ZNF473: variants seen among roughly 807,000 people sequenced by gnomAD.
The protein encoded by ZNF473 is zinc finger protein 100 homolog.
A neutral mutation model predicts 11.1 loss-of-function variants in ZNF473; 4 were observed. The observed-to-expected ratio is 0.36, with a 90% confidence interval of 0.18 to 0.82. The LOEUF is 0.82. Among genes scored for constraint, ZNF473 ranks in the 40% least tolerant of loss-of-function variants. The pLI, the probability that ZNF473 is intolerant of heterozygous loss-of-function variation, is 0.49. For synonymous variants in ZNF473, 404 were observed against 390.4 expected (o/e 1.03, Z -0.41); for missense variants, 854 against 1,084.0 (o/e 0.79, Z 2.98).
At chr19:50,041,510 T>A in intron 3 of ZNF473, 1 of 360,504 alleles carries the variant, frequency 2.8e-6, no homozygotes, top group Non-Finnish European at 5.0e-6. Flanking sequence ...ACAGCTTTGA[T>A]CACCCTGGAT....
In ZNF473 at chr19:50,039,206, G is replaced by A. The variant is rs1010122437; in HGVS notation, c.55G>A (p.Asp19Asn). 4 of 1,614,214 alleles carry A rather than the reference G, an allele frequency of 2.5e-6. No homozygotes were observed. Among genetic ancestry groups the A allele is most frequent in the Non-Finnish European group, 2.5e-6 (3 of 1,180,034 alleles). Reference sequence around the variant, plus strand: ...TGTCGGCATGGACTTCACCTTGGGAGACTGGGAGCAGCTCGGGCTGGAACA... The same window carrying A: ...TGTCGGCATGGACTTCACCTTGGGAAACTGGGAGCAGCTCGGGCTGGAACA... ...KDVGMDFTLG[D>N]WEQLGLEQGD... The change falls in exon 3 of 5, where the codon GAC (aspartate) becomes AAC (asparagine). Residue 19 changes from aspartate (D) to asparagine (N), a missense_variant. By Grantham distance (23) the Asp-to-Asn change is conservative. Transcript: ENST00000270617. The surrounding 1 kb of genome is among the most constrained non-coding windows in gnomAD (Gnocchi z 4.8).
intron 2 of ZNF473, among the ~76,000 whole-genome samples, chr19:50,033,170 G>A (rs2077326389): frequency 6.6e-6 from 1 of 152,184 alleles, no homozygotes; most frequent in Non-Finnish European, 1.5e-5. Flanking sequence ...TGGAGGAAAG[G>A]GATAGGGAGG....
At chr19:50,044,584 C>A in intron 4 of ZNF473, 86 bp from the exon 5 acceptor site, 1 of 1,137,548 alleles carries the variant, frequency 8.8e-7, no homozygotes, top group Non-Finnish European at 1.3e-6. Context: ...GATGGATAGG[C>A]TGGACTCAAG....
At chr19:50,044,606 C>T in intron 4 of ZNF473, 64 bp from the exon 5 acceptor site, 4 of 1,348,500 alleles carry the variant, frequency 3.0e-6, no homozygotes, top group Non-Finnish European at 4.1e-6. Context: ...TCTATCACCC[C>T]TACTTGCTCT....
At position 50,030,933 on chromosome 19, in the gene ZNF473, T is replaced by C. The variant is rs139933479; in HGVS notation, c.-150T>C. On this transcript the variant is annotated 5_prime_UTR_variant, in exon 2 of 5. Transcript: ENST00000270617. ...ACTTGTCCTCCTCCTCCTGGACATT[T>C]TGGGGGCTCGTCAGCATGGACAGCG... 2.0e-4 allele frequency: 224 copies of C among 1,126,262 alleles called. No individual in the cohort carries two copies. In the African/African-American group the frequency reaches 3.0e-3, roughly 15 times the overall value. 69.8% of individuals were successfully genotyped at this position (1,126,262 alleles called of 1,614,324 possible).
Position 50,046,184 on chromosome 19 carries a change from G to A in ZNF473, c.1741G>A (p.Glu581Lys), listed in dbSNP as rs150885598. The A allele has an allele frequency of 3.6e-4, 585 of 1,614,182 alleles. 5 individuals carry two copies. The East Asian group carries it at 0.011, about 29-fold the overall frequency. ...CTGCAGCAAATACCTAACTCAGCACGAGAGGATTCACACCAGGGGAGTGAA... is the reference window on the plus strand; with the variant it reads ...CTGCAGCAAATACCTAACTCAGCACAAGAGGATTCACACCAGGGGAGTGAA... ...FSCSKYLTQH[E>K]RIHTRGVKPF... Residue 581 changes from glutamate (E) to lysine (K), a missense_variant, in exon 5 of 5, where the codon GAG (glutamate) becomes AAG (lysine). By Grantham distance (56) the Glu-to-Lys change is moderately conservative. This residue lies in a region of ZNF473 where 668 missense variants were observed against 790.2 expected (regional missense o/e 0.85). Coordinates refer to ENST00000270617, the MANE Select transcript of ZNF473 (RefSeq NM_015428.4). This position sits in a 1 kb window ranked among gnomAD's most constrained non-coding sequence, Gnocchi z 5.9.
Position 50,035,515 on chromosome 19 carries a change from A to G in ZNF473, c.10-3646A>G, listed in dbSNP as rs377456356. Among the ~76,000 whole-genome samples, 13 of 146,276 alleles carry G rather than the reference A, an allele frequency of 8.9e-5. No homozygotes were observed. In the East Asian group the frequency reaches 2.7e-3, roughly 30 times the overall value. Reference sequence around the variant, plus strand: ...TTTGGCTGTTCTTAAGAGTTTTACAAAGCATTTTCATTGTAATTCAATGTA... The same window carrying G: ...TTTGGCTGTTCTTAAGAGTTTTACAGAGCATTTTCATTGTAATTCAATGTA... On this transcript the variant is annotated intron_variant, in intron 2 of 4. Coordinates refer to ENST00000270617, the MANE Select transcript of ZNF473 (RefSeq NM_015428.4).
At chr19:50,032,309 T>TA (rs989102172) in intron 2 of ZNF473, among the ~76,000 whole-genome samples, 1 of 151,570 alleles carries the variant, frequency 6.6e-6, no homozygotes, top group African/African-American at 2.4e-5. Context: ...CAGTTTCTGT[T>TA]ATAAGTACCA....
chr19:50,039,383 C>G lies in ZNF473; in HGVS notation c.136+96C>G. On this transcript the variant is annotated intron_variant, in intron 3 of 4. Transcript: ENST00000270617. The surrounding 1 kb of genome is among the most constrained non-coding windows in gnomAD (Gnocchi z 4.8). ...ACAGGGTGAAGTCCTGGCTCCTGGG[C>G]TCCTCAGAATCAGCATGACCTAGCC... 1.3e-6 allele frequency: 2 copies of G among 1,514,348 alleles called. No homozygotes were observed. Among genetic ancestry groups the G allele is most frequent in the Non-Finnish European group, 1.8e-6 (2 of 1,113,908 alleles). The allele number at this position is 1,514,348 out of a possible 1,614,324, so 93.8% of individuals were successfully genotyped here. A position where few individuals can be genotyped will look rare whatever the true frequency, so the allele number is the denominator to read the frequency against.
chr19:50,030,560 G>T (rs1471685990), intron 1 of ZNF473, among the ~76,000 whole-genome samples: 2 of 152,202 alleles, frequency 1.3e-5, no homozygotes, highest in Non-Finnish European at 2.9e-5. Flanking sequence ...TCAAATTCCA[G>T]AGATGATAAT....
chr19:50,044,530 T>A, intron 4 of ZNF473, 140 bp from the exon 5 acceptor site: 1 of 668,692 alleles, frequency 1.5e-6, no homozygotes, highest in Non-Finnish European at 2.6e-6. Context: ...TCTGTCTGTT[T>A]TCTGTGATGC....
intron 2 of ZNF473, among the ~76,000 whole-genome samples, chr19:50,037,022 T>A (rs1487565857): frequency 6.6e-6 from 1 of 152,206 alleles, no homozygotes; most frequent in Non-Finnish European, 1.5e-5. Flanking sequence ...GTCAGGCAGT[T>A]CAGTGACTCA....
chr19:50,043,674 G>A (rs1978913929), intron 4 of ZNF473, among the ~76,000 whole-genome samples: 1 of 152,060 alleles, frequency 6.6e-6, no homozygotes, highest in South Asian at 2.1e-4. Flanking sequence ...TGGATGAGCA[G>A]TGGAAGGTCC....
chr19:50,030,795 A>G (rs1305120322), intron 1 of ZNF473, 97 bp from the exon 2 acceptor site: 8 of 516,976 alleles, frequency 1.5e-5, no homozygotes, highest in Non-Finnish European at 2.8e-5. Flanking sequence ...CTAACCCACC[A>G]TTGTTGGTGG....
intron 1 of ZNF473, among the ~76,000 whole-genome samples, chr19:50,029,216 C>T (rs1488055498): frequency 6.6e-6 from 1 of 152,208 alleles, no homozygotes; most frequent in Non-Finnish European, 1.5e-5. Flanking sequence ...CATCTCGGCT[C>T]ACTGCAAGCT....
chr19:50,031,772 A>G (rs1311971803), intron 2 of ZNF473, among the ~76,000 whole-genome samples: 1 of 152,162 alleles, frequency 6.6e-6, no homozygotes, highest in Non-Finnish European at 1.5e-5. Context: ...GAACACAGGA[A>G]GCCTCATGAG....
At position 50,039,368 on chromosome 19, in the gene ZNF473, G is replaced by C; in HGVS notation, c.136+81G>C. 1 of 1,562,504 alleles carries C rather than the reference G, an allele frequency of 6.4e-7. No individual in the cohort carries two copies. Among genetic ancestry groups the C allele is most frequent in the Non-Finnish European group, 8.7e-7 (1 of 1,145,230 alleles). ...TGCTCTCTACCACCCACAGGGTGAAGTCCTGGCTCCTGGGCTCCTCAGAAT... is the reference window on the plus strand; with the variant it reads ...TGCTCTCTACCACCCACAGGGTGAACTCCTGGCTCCTGGGCTCCTCAGAAT... On this transcript the variant is annotated intron_variant, in intron 3 of 4. Coordinates refer to ENST00000270617, the MANE Select transcript of ZNF473 (RefSeq NM_015428.4). This position sits in a 1 kb window ranked among gnomAD's most constrained non-coding sequence, Gnocchi z 4.8.
chr19:50,043,579 C>T (rs372750809), intron 4 of ZNF473, among the ~76,000 whole-genome samples: 1 of 151,770 alleles, frequency 6.6e-6, no homozygotes, highest in Non-Finnish European at 1.5e-5. Flanking sequence ...GTGCCTGAGG[C>T]ACTCCTGCCT....
Position 50,047,145 on chromosome 19 carries a change from C to A in ZNF473, c.*86C>A. 2.8e-6 allele frequency: 3 copies of A among 1,075,518 alleles called. No individual in the cohort carries two copies. The highest frequency in any genetic ancestry group is 4.0e-6 in the Non-Finnish European group (3 of 756,278). The allele number at this position is 1,075,518 out of a possible 1,614,324, so 66.6% of individuals were successfully genotyped here. A position where few individuals can be genotyped will look rare whatever the true frequency, so the allele number is the denominator to read the frequency against. On this transcript the variant is annotated 3_prime_UTR_variant, in exon 5 of 5. Coordinates refer to ENST00000270617, the MANE Select transcript of ZNF473 (RefSeq NM_015428.4). ...AACTATCCCATTGCAAGTTTCTCTC[C>A]AAATAAATGCATCTAAAGATTGATT... is the stretch of plus-strand genomic sequence containing the variant.
Sources: allele counts gnomAD v4.1 joint callset (sites outside exome capture counted in the v4.1 genomes callset), GRCh38; gene constraint gnomAD v4.1.1; regional missense constraint gnomAD v4.1.1; non-coding constraint Gnocchi (gnomAD v3.1); transcripts MANE v1.5; gene names NCBI Gene and HGNC (gene_info 2026-07-23, HGNC 2026-07-21).